Variants in CEP152 observed in about 807,000 individuals in gnomAD.
CEP152 encodes the protein centrosomal protein of 152 kDa.
Under a neutral mutation model 188.9 loss-of-function variants are expected in CEP152, and 132 were observed. That is an observed-to-expected ratio of 0.70 (90% CI 0.61 to 0.81). CEP152 has a LOEUF of 0.81. Ranked by LOEUF, CEP152 falls within the 30% of genes least tolerant of loss-of-function variation. The probability of loss-of-function intolerance (pLI) is 0.00; values close to 1 mark genes in which losing one functional copy is unlikely to be tolerated. For synonymous variants in CEP152, 649 were observed against 666.6 expected (o/e 0.97, Z 0.41); for missense variants, 1,914 against 1,969.8 (o/e 0.97, Z 0.54).
At chr15:48,787,478 T>G (rs1303247770) in intron 9 of CEP152, among the ~76,000 whole-genome samples, 5 of 152,132 alleles carry the variant, frequency 3.3e-5, no homozygotes, top group Admixed American at 2.6e-4. Context: ...GCCTTCATCT[T>G]TCCCTACTCC....
intron 1 of CEP152, among the ~76,000 whole-genome samples, chr15:48,808,914 G>C (rs990131007): frequency 6.6e-6 from 1 of 151,968 alleles, no homozygotes; most frequent in Admixed American, 6.6e-5. Context: ...AGTATGTTTT[G>C]GTTTTCTTCT....
chr15:48,748,723 A>G (rs1455350725), intron 21 of CEP152, 113 bp from the exon 22 acceptor site: 1 of 1,129,148 alleles, frequency 8.9e-7, no homozygotes, highest in Non-Finnish European at 1.2e-6. Context: ...TAAAGGCTAC[A>G]GCACGACTGA....
intron 26 of CEP152, chr15:48,740,395 C>T (rs996579217): frequency 6.6e-6 from 1 of 151,878 alleles, no homozygotes; most frequent in Non-Finnish European, 1.5e-5. Context: ...TTTAAAAACC[C>T]TATTTGAAAG....
rs568898424 is a variant in CEP152, at chr15:48,759,899, T to G, written c.2694+236A>C. On this transcript the variant is annotated intron_variant, in intron 19 of 26. Transcript: ENST00000380950. ...AATTTCATCTAAAGATAGGGCAAGA[T>G]AGAATGGGAGTTATTAAATAGTTTC... is the stretch of plus-strand genomic sequence containing the variant. 2.0e-5 allele frequency among the ~76,000 whole-genome samples: 3 copies of G among 152,328 alleles called. No homozygotes were observed. In the South Asian group the frequency reaches 6.2e-4, roughly 32 times the overall value.
intron 12 of CEP152, chr15:48,773,601 A>T (rs143160282): frequency 2.6e-5 from 4 of 152,366 alleles, no homozygotes; most frequent in African/African-American, 9.6e-5. Context: ...CTAGGGAAAA[A>T]AACATAGGAA....
At chr15:48,751,675 T>C (rs959389361) in intron 21 of CEP152, among the ~76,000 whole-genome samples, 1 of 151,692 alleles carries the variant, frequency 6.6e-6, no homozygotes, top group Non-Finnish European at 1.5e-5. Context: ...AGGAAAGGAG[T>C]AGGCTGCAAA....
chr15:48,752,586 G>T, intron 20 of CEP152, 117 bp from the exon 21 acceptor site: 1 of 1,476,296 alleles, frequency 6.8e-7, no homozygotes, highest in South Asian at 1.3e-5. Flanking sequence ...AATCTTGCCT[G>T]AACTATCTAT....
Position 48,772,691 on chromosome 15 carries a change from G to A in CEP152, c.1578C>T (p.Ser526=), listed in dbSNP as rs1245993676. 1.2e-5 allele frequency: 20 copies of A among 1,612,212 alleles called. No individual in the cohort carries two copies. The highest frequency in any genetic ancestry group is 1.4e-5 in the Non-Finnish European group (16 of 1,178,444). Residue 526 remains serine (S), a splice_region_variant and synonymous_variant, in exon 13 of 27, where the codon AGC becomes AGT. Coordinates refer to ENST00000380950, the MANE Select transcript of CEP152 (RefSeq NM_001194998.2). ...CATTTGGGTCTTCTTCTTGTACAATGCTAATGGAGAAATTGTGATTTTTAA... is the reference window on the plus strand; with the variant it reads ...CATTTGGGTCTTCTTCTTGTACAATACTAATGGAGAAATTGTGATTTTTAA... ...KVNWKKSKVT[S]IVQEEDPNEE... is the part of the protein sequence containing the mutation.
At chr15:48,772,417 A>C (rs1895607311) in intron 13 of CEP152, 70 bp downstream of exon 13, 10 of 1,380,468 alleles carry the variant, frequency 7.2e-6, no homozygotes, top group South Asian at 7.1e-5. Flanking sequence ...TCTCAAAAAA[A>C]AAAAAGTGTA....
intron 13 of CEP152, among the ~76,000 whole-genome samples, chr15:48,770,579 TA>T (rs779109965): frequency 2.6e-5 from 4 of 152,212 alleles, no homozygotes; most frequent in Non-Finnish European, 5.9e-5. Flanking sequence ...TCTAGTATCC[TA>T]AATCCTAGAG....
In CEP152 at chr15:48,756,281, T is replaced by TTTA; in HGVS notation, c.2964_2966dup (p.Asn988dup). 1 of 1,580,766 alleles carries TTTA rather than the reference T, an allele frequency of 6.3e-7. No homozygotes were observed. The highest frequency in any genetic ancestry group is 8.6e-7 in the Non-Finnish European group (1 of 1,165,826). The stretch of plus-strand genomic sequence containing the variant: ...TAGCTGCCGCAAGCACCTCATTAAT[T>TTTA]TTATTTCGGTGATCATCTAAAAATT... On this transcript the variant is annotated inframe_insertion, in exon 20 of 27. Transcript: ENST00000380950.
chr15:48,786,828 C>T (rs1163811041), intron 9 of CEP152, among the ~76,000 whole-genome samples: 2 of 152,178 alleles, frequency 1.3e-5, no homozygotes, highest in African/African-American at 4.8e-5. Flanking sequence ...TAGAGTTCTT[C>T]TATTGAAGGG....
intron 7 of CEP152, among the ~76,000 whole-genome samples, chr15:48,792,984 G>A (rs956342361): frequency 1.3e-5 from 2 of 151,990 alleles, no homozygotes; most frequent in African/African-American, 2.4e-5. Context: ...ACTATGCCCC[G>A]CTAATTTTTG....
Position 48,796,203 on chromosome 15 carries a change from C to A in CEP152, c.541-43G>T, listed in dbSNP as rs745914487. 5.6e-6 allele frequency: 9 copies of A among 1,607,540 alleles called. No homozygotes were observed. In the African/African-American group the frequency reaches 1.1e-4, roughly 19 times the overall value. ...ACTGACAATTAAGATTTGGCCTTTTCTTCCAAAATTATCTGAATTAGACAC... is the reference window on the plus strand; with the variant it reads ...ACTGACAATTAAGATTTGGCCTTTTATTCCAAAATTATCTGAATTAGACAC... On this transcript the variant is annotated intron_variant, in intron 5 of 26. Coordinates refer to ENST00000380950, the MANE Select transcript of CEP152 (RefSeq NM_001194998.2).
intron 21 of CEP152, 45 bp downstream of exon 21, chr15:48,752,304 T>C: frequency 6.2e-7 from 1 of 1,613,856 alleles, no homozygotes; most frequent in Non-Finnish European, 8.5e-7. Context: ...TTCAGATGGG[T>C]GATTATGGAT....
chr15:48,744,069 TC>T lies in CEP152; in HGVS notation c.3835+170del, dbSNP rs557149757. ...AAAAGATATTATTTGGGAAAAATGA[TC>T]AATGACTACATAATTTTGAAAAGGT... On this transcript the variant is annotated intron_variant, in intron 24 of 26. Transcript: ENST00000380950. 3.4e-4 allele frequency among the ~76,000 whole-genome samples: 52 copies of T among 152,272 alleles called. 3 individuals are homozygous for T. In the South Asian group the frequency reaches 0.011, roughly 32 times the overall value.
intron 17 of CEP152, among the ~76,000 whole-genome samples, chr15:48,764,002 G>A (rs1447525917): frequency 6.6e-6 from 1 of 152,144 alleles, no homozygotes; most frequent in Admixed American, 6.5e-5. Context: ...TATATCCTGA[G>A]TTGGGTCGAA....
intron 9 of CEP152, among the ~76,000 whole-genome samples, chr15:48,786,759 G>A (rs1896659760): frequency 6.6e-6 from 1 of 152,130 alleles, no homozygotes; most frequent in Non-Finnish European, 1.5e-5. Context: ...TTCAATTTAT[G>A]GATTCCGGGG....
At chr15:48,794,951 C>G (rs1271197033) in intron 6 of CEP152, among the ~76,000 whole-genome samples, 1 of 152,208 alleles carries the variant, frequency 6.6e-6, no homozygotes, top group Admixed American at 6.5e-5. Context: ...AATATGAAGT[C>G]ACAACCCAAA....
Sources: gnomAD v4.1 joint callset for allele counts (sites outside exome capture counted in the v4.1 genomes callset) on GRCh38, gnomAD v4.1.1 for gene constraint, MANE v1.5 for transcripts, NCBI Gene and HGNC (gene_info 2026-07-23, HGNC 2026-07-21) for gene names.